LEPR: variants seen among roughly 807,000 people sequenced by gnomAD.
The protein encoded by LEPR is leptin receptor.
Under a neutral mutation model 114.7 loss-of-function variants are expected in LEPR, and 56 were observed. The observed-to-expected ratio is 0.49, with a 90% CI of 0.39 to 0.61. The LOEUF (loss-of-function observed/expected upper bound fraction) is 0.61, where lower values mean the gene tolerates loss of function less well. Among genes scored for constraint, LEPR ranks in the 20% least tolerant of loss-of-function variants. The pLI is 0.00. For synonymous variants in LEPR, 443 were observed against 461.4 expected (o/e 0.96, Z 0.51); for missense variants, 1,202 against 1,352.9 (o/e 0.89, Z 1.75).
chr1:65,487,811 G>A (rs913966856), intron 2 of LEPR, among the ~76,000 whole-genome samples: 1 of 151,912 alleles, frequency 6.6e-6, no homozygotes, highest in Non-Finnish European at 1.5e-5. Flanking sequence ...AGGGTAATTG[G>A]GGTATGCATC....
chr1:65,429,342 G>C (rs1203658978), intron 2 of LEPR, among the ~76,000 whole-genome samples: 1 of 152,084 alleles, frequency 6.6e-6, no homozygotes, highest in Non-Finnish European at 1.5e-5. Flanking sequence ...AAAAAAGGCT[G>C]GTGTGGCTAC....
At chr1:65,500,990 A>G (rs1648421237) in intron 2 of LEPR, among the ~76,000 whole-genome samples, 1 of 152,168 alleles carries the variant, frequency 6.6e-6, no homozygotes, top group Non-Finnish European at 1.5e-5. Flanking sequence ...ATACATTCGT[A>G]TAATGCTCAA....
At chr1:65,590,066 C>A (rs796443256) in intron 5 of LEPR, among the ~76,000 whole-genome samples, 18 of 151,940 alleles carry the variant, frequency 1.2e-4, no homozygotes, top group African/African-American at 4.1e-4. Context: ...CAGTACATCT[C>A]TCATTTTAGT....
intron 2 of LEPR, among the ~76,000 whole-genome samples, chr1:65,545,360 T>C (rs1651609936): frequency 6.6e-6 from 1 of 152,092 alleles, no homozygotes; most frequent in African/African-American, 2.4e-5. Flanking sequence ...TTTCTAGTTC[T>C]AGATCCCTGA....
intron 19 of LEPR, chr1:65,635,227 G>A: frequency 2.1e-6 from 2 of 974,788 alleles, no homozygotes; most frequent in Non-Finnish European, 1.2e-6. Context: ...TATATAAGCT[G>A]AACACATTTT....
At chr1:65,450,911 T>C (rs1370162214) in intron 2 of LEPR, among the ~76,000 whole-genome samples, 2 of 151,678 alleles carry the variant, frequency 1.3e-5, no homozygotes, top group Admixed American at 6.6e-5. Flanking sequence ...AAAGCATTCC[T>C]ATTTCTCCAC....
At chr1:65,583,428 G>A (rs1169604793) in intron 5 of LEPR, among the ~76,000 whole-genome samples, 2 of 152,088 alleles carry the variant, frequency 1.3e-5, no homozygotes, top group African/African-American at 4.8e-5. Flanking sequence ...TCTGGGAATC[G>A]TTCAAGTTCC....
At chr1:65,513,768 A>T (rs1370934970) in intron 2 of LEPR, among the ~76,000 whole-genome samples, 1 of 152,204 alleles carries the variant, frequency 6.6e-6, no homozygotes, top group Non-Finnish European at 1.5e-5. Flanking sequence ...CATAATTCTG[A>T]AATAGCTTTA....
chr1:65,616,378 A>G (rs1570826893), intron 15 of LEPR, among the ~76,000 whole-genome samples, 154 bp downstream of exon 15: 1 of 152,154 alleles, frequency 6.6e-6, no homozygotes, highest in African/African-American at 2.4e-5. Context: ...GAAAAATAAC[A>G]AAGTACATTG....
At chr1:65,437,569 C>T (rs1020095615) in intron 2 of LEPR, among the ~76,000 whole-genome samples, 1 of 151,738 alleles carries the variant, frequency 6.6e-6, no homozygotes, top group Admixed American at 6.6e-5. Flanking sequence ...ATCCTGAACC[C>T]GAAAGGCGGA....
chr1:65,476,986 C>T (rs1256039799), intron 2 of LEPR, among the ~76,000 whole-genome samples: 1 of 152,180 alleles, frequency 6.6e-6, no homozygotes, highest in Non-Finnish European at 1.5e-5. Flanking sequence ...TAAAAACACA[C>T]AAGCACACAT....
At chr1:65,583,743 G>A (rs550136771) in intron 5 of LEPR, among the ~76,000 whole-genome samples, 123 of 152,112 alleles carry the variant, frequency 8.1e-4, no homozygotes, top group African/African-American at 2.9e-3. Context: ...ATAGGAAAAT[G>A]TGACCCATAA....
At chr1:65,617,475 T>A (rs546403209) in intron 15 of LEPR, among the ~76,000 whole-genome samples, 1 of 152,224 alleles carries the variant, frequency 6.6e-6, no homozygotes, top group East Asian at 1.9e-4. Flanking sequence ...AAGACCAGGG[T>A]GGCTTTGGTG....
chr1:65,613,812 G>C (rs1166551795), intron 14 of LEPR, among the ~76,000 whole-genome samples: 1 of 139,226 alleles, frequency 7.2e-6, no homozygotes, highest in African/African-American at 2.8e-5. Context: ...CCTAGCCAAA[G>C]TAGATATACA....
chr1:65,610,001 T>C lies in LEPR; in HGVS notation c.1807T>C (p.Leu603=), dbSNP rs1657065308. The part of the protein sequence containing the change: ...SKSVSLPVPD[L]CAVYAVQVRC... ...ATCTGTCAGTCTCCCAGTTCCAGAC[T>C]TGTGTGCAGTCTATGCTGTTCAGGT... The change falls in exon 13 of 20, where the codon TTG becomes CTG. Residue 603 remains leucine, a synonymous_variant. Transcript: ENST00000349533. 2 of 1,614,234 alleles carry C rather than the reference T, an allele frequency of 1.2e-6. No homozygotes were observed. The highest frequency in any genetic ancestry group is 1.7e-6 in the Non-Finnish European group (2 of 1,180,022).
chr1:65,588,080 G>A (rs1314727618), intron 5 of LEPR, among the ~76,000 whole-genome samples: 2 of 151,882 alleles, frequency 1.3e-5, no homozygotes, highest in Non-Finnish European at 2.9e-5. Context: ...ATAGAATGGG[G>A]CAGCACAGGT....
At chr1:65,567,079 G>T (rs1380516994) in intron 3 of LEPR, among the ~76,000 whole-genome samples, 2 of 152,152 alleles carry the variant, frequency 1.3e-5, no homozygotes, top group Non-Finnish European at 2.9e-5. Context: ...TGAATCAAAA[G>T]AATTCCTGGG....
At chr1:65,613,361 C>T (rs1657299323) in intron 14 of LEPR, among the ~76,000 whole-genome samples, 1 of 151,986 alleles carries the variant, frequency 6.6e-6, no homozygotes, top group Non-Finnish European at 1.5e-5. Flanking sequence ...GAAAGACTGT[C>T]AAGAGGATGA....
chr1:65,443,373 G>A (rs529162239), intron 2 of LEPR, among the ~76,000 whole-genome samples: 1 of 151,846 alleles, frequency 6.6e-6, no homozygotes, highest in South Asian at 2.1e-4. Flanking sequence ...GAGCAACATA[G>A]CAAGACCCTG....
Sources: gnomAD v4.1 joint callset for allele counts (sites outside exome capture counted in the v4.1 genomes callset) on GRCh38, gnomAD v4.1.1 for gene constraint, MANE v1.5 for transcripts, NCBI Gene and HGNC (gene_info 2026-07-23, HGNC 2026-07-21) for gene names.